Variants in DCAF7 observed in about 807,000 individuals in gnomAD.
The protein encoded by DCAF7 is DDB1- and CUL4-associated factor 7.
In DCAF7, 4 loss-of-function variants were observed where a neutral mutation model predicts 41.2. The ratio of observed to expected loss-of-function variants is 0.10; its 90% CI spans 0.05 to 0.22. The LOEUF is 0.22. Ranked by LOEUF, DCAF7 falls within the 10% of genes least tolerant of loss-of-function variation. The probability of loss-of-function intolerance (pLI) is 1.00; values close to 1 mark genes in which losing one functional copy is unlikely to be tolerated. For missense variants in DCAF7, 131 were observed against 443.2 expected, an observed-to-expected ratio of 0.30 and a Z score of 6.32; for synonymous variants, 143 against 164.2, an observed-to-expected ratio of 0.87 and a Z score of 0.99.
intron 2 of DCAF7, 97 bp downstream of exon 2, chr17:63,578,725 C>T: frequency 5.3e-6 from 8 of 1,521,186 alleles, no homozygotes; most frequent in East Asian, 4.5e-5. Flanking sequence ...TCAGAGGCAG[C>T]GAGTGTCATT....
At chr17:63,559,339 A>ATATATG in intron 1 of DCAF7, among the ~76,000 whole-genome samples, 7 of 23,506 alleles carry the variant, frequency 3.0e-4, no homozygotes, top group Admixed American at 8.5e-4. Flanking sequence ...ATATACATAC[A>ATATATG]TATATATACG....
At chr17:63,556,772 C>T (rs1407986996) in intron 1 of DCAF7, among the ~76,000 whole-genome samples, 1 of 152,112 alleles carries the variant, frequency 6.6e-6, no homozygotes, top group Non-Finnish European at 1.5e-5. Flanking sequence ...GAGGCTGAGG[C>T]AGGAGAATCA....
intron 6 of DCAF7, among the ~76,000 whole-genome samples, chr17:63,586,498 G>A (rs1263536033): frequency 6.6e-6 from 1 of 151,998 alleles, no homozygotes; most frequent in East Asian, 1.9e-4. Context: ...GGGTGCAGTG[G>A]CTCACATCTG....
At chr17:63,567,423 CAAACACA>C (rs1444121658) in intron 1 of DCAF7, among the ~76,000 whole-genome samples, 5 of 152,194 alleles carry the variant, frequency 3.3e-5, no homozygotes, top group Non-Finnish European at 7.3e-5. Flanking sequence ...CACACTTGTG[CAAACACA>C]ATGTAGTCTT....
chr17:63,562,444 A>C (rs948536867), intron 1 of DCAF7, among the ~76,000 whole-genome samples: 1 of 152,210 alleles, frequency 6.6e-6, no homozygotes, highest in Non-Finnish European at 1.5e-5. Context: ...TCTATAGTAC[A>C]TACAAATAAA....
intron 1 of DCAF7, among the ~76,000 whole-genome samples, chr17:63,554,423 C>A (rs925876722): frequency 2.0e-5 from 3 of 152,366 alleles, no homozygotes; most frequent in South Asian, 2.1e-4. Flanking sequence ...ATGGCACTCT[C>A]AGAACATGGC....
Position 63,562,539 on chromosome 17 carries a change from T to A in DCAF7, c.138+11724T>A, listed in dbSNP as rs531681220. On this transcript the variant is annotated intron_variant, in intron 1 of 6. Transcript: ENST00000614556. ...TTTTTTTATTTTTTATTTTTTATTT[T>A]TTATTATTATTATTATACTTTAAGT... Among the ~76,000 whole-genome samples the A allele has an allele frequency of 1.9e-3, 294 of 151,462 alleles. 1 individual carries two copies. Among genetic ancestry groups the A allele is most frequent in the African/African-American group, 5.9e-3 (242 of 41,270 alleles).
chr17:63,551,049 T>G (rs1354604851), intron 1 of DCAF7, among the ~76,000 whole-genome samples: 1 of 152,252 alleles, frequency 6.6e-6, no homozygotes, highest in Non-Finnish European at 1.5e-5. Flanking sequence ...CACGGTTTTG[T>G]GACTTGCCTG....
intron 1 of DCAF7, among the ~76,000 whole-genome samples, chr17:63,551,063 C>G (rs1483676491): frequency 6.6e-6 from 1 of 152,226 alleles, no homozygotes; most frequent in East Asian, 1.9e-4. Flanking sequence ...TTGCCTGGGT[C>G]AGGCAGCTAT....
At chr17:63,577,603 T>A (rs1017476961) in intron 1 of DCAF7, among the ~76,000 whole-genome samples, 6 of 152,240 alleles carry the variant, frequency 3.9e-5, no homozygotes, top group African/African-American at 1.4e-4. Flanking sequence ...CACAGTGGTT[T>A]GGGCTCTCAA....
At chr17:63,551,931 A>G (rs534509786) in intron 1 of DCAF7, among the ~76,000 whole-genome samples, 113 of 119,020 alleles carry the variant, frequency 9.5e-4, no homozygotes, top group South Asian at 5.1e-3. Context: ...AAAAAAAAAA[A>G]GCCGGGCGTA....
intron 1 of DCAF7, among the ~76,000 whole-genome samples, chr17:63,562,513 CT>C (rs1407382282): frequency 6.6e-6 from 1 of 151,694 alleles, no homozygotes; most frequent in African/African-American, 2.4e-5. Context: ...AAAATATTTT[CT>C]TTTTTTATTT....
intron 1 of DCAF7, among the ~76,000 whole-genome samples, chr17:63,574,295 A>C (rs566602869): frequency 6.6e-6 from 1 of 152,036 alleles, no homozygotes; most frequent in African/African-American, 2.4e-5. Context: ...CTCAATTGTT[A>C]TCGATTATTA....
At chr17:63,584,047 T>G (rs1295926645) in intron 5 of DCAF7, among the ~76,000 whole-genome samples, 1 of 152,204 alleles carries the variant, frequency 6.6e-6, no homozygotes, top group Non-Finnish European at 1.5e-5. Flanking sequence ...GAGTTGGAGT[T>G]AGAGCCAGGA....
In DCAF7 at chr17:63,562,792, CA is replaced by C. The variant is rs1045761357; in HGVS notation, c.138+11983del. Among the ~76,000 whole-genome samples the C allele has an allele frequency of 3.5e-5, 5 of 143,684 alleles. No homozygotes were observed. In the Admixed American group the frequency reaches 3.6e-4, roughly 10 times the overall value. 94.3% of individuals were successfully genotyped at this position (143,684 alleles called of 152,430 possible). ...CTATGAGTGAGAATATGCACAAGAACAAAAAACCAAACACCGCAGAAAATAT... is the reference window on the plus strand; with the variant it reads ...CTATGAGTGAGAATATGCACAAGAACAAAAACCAAACACCGCAGAAAATAT... On this transcript the variant is annotated intron_variant, in intron 1 of 6. Transcript: ENST00000614556.
intron 6 of DCAF7, among the ~76,000 whole-genome samples, chr17:63,587,398 T>C (rs567170783): frequency 6.6e-6 from 1 of 152,174 alleles, no homozygotes; most frequent in African/African-American, 2.4e-5. Flanking sequence ...TCATCCATTA[T>C]TCATGGAAAG....
chr17:63,575,632 G>A (rs754552367), intron 1 of DCAF7, among the ~76,000 whole-genome samples: 4 of 152,086 alleles, frequency 2.6e-5, no homozygotes, highest in Non-Finnish European at 4.4e-5. Context: ...AGGTTGCAGT[G>A]AGCCAAGATC....
In DCAF7 at chr17:63,550,686, G is replaced by T. The variant is rs746045356; in HGVS notation, c.9G>T (p.Leu3=). ...GCGGCCCCGTGGCCACCATGTCCCT[G>T]CACGGCAAACGGAAGGAGATCTACA... The part of the protein sequence containing the change: MS[L]HGKRKEIYKY... Residue 3 remains leucine (L), a synonymous_variant, in exon 1 of 7, where the codon CTG becomes CTT. Coordinates refer to ENST00000614556, the MANE Select transcript of DCAF7 (RefSeq NM_005828.5). The surrounding 1 kb of genome is among the most constrained non-coding windows in gnomAD (Gnocchi z 4.8). 6.2e-7 allele frequency: 1 copy of T among 1,613,206 alleles called. No homozygotes were observed. Among genetic ancestry groups the T allele is most frequent in the Non-Finnish European group, 8.5e-7 (1 of 1,179,712 alleles).
chr17:63,556,999 G>A (rs576041275), intron 1 of DCAF7, among the ~76,000 whole-genome samples: 19 of 152,256 alleles, frequency 1.2e-4, no homozygotes, highest in African/African-American at 3.9e-4. Context: ...CTGAACTCCC[G>A]CTGGGGTGAC....
Sources: allele counts gnomAD v4.1 joint callset (sites outside exome capture counted in the v4.1 genomes callset), GRCh38; gene constraint gnomAD v4.1.1; non-coding constraint Gnocchi (gnomAD v3.1); transcripts MANE v1.5; gene names NCBI Gene and HGNC (gene_info 2026-07-23, HGNC 2026-07-21).